The following ADGRA3 variants were observed in gnomAD, a reference collection of about 807,000 sequenced individuals.
ADGRA3 encodes the protein G-protein coupled receptor 125.
ADGRA3 carries 56 observed loss-of-function variants against 119.8 expected under a neutral mutation model. The ratio of observed to expected loss-of-function variants is 0.47; its 90% CI spans 0.38 to 0.58. The LOEUF is 0.58. ADGRA3 is among the 20% of genes least tolerant of loss of function. The pLI, the probability that ADGRA3 is intolerant of heterozygous loss-of-function variation, is 0.00. For missense variants in ADGRA3, 1,516 were observed against 1,649.0 expected (o/e 0.92, Z 1.40); for synonymous variants, 607 against 623.8 (o/e 0.97, Z 0.40).
intron 1 of ADGRA3, among the ~76,000 whole-genome samples, chr4:22,500,326 T>C (rs755789094): frequency 6.6e-6 from 1 of 152,190 alleles, no homozygotes; most frequent in Non-Finnish European, 1.5e-5. Flanking sequence ...AATTTACTTG[T>C]CCAGGCTTCA....
intron 10 of ADGRA3, among the ~76,000 whole-genome samples, chr4:22,426,278 T>G (rs1715929419): frequency 6.6e-6 from 1 of 152,190 alleles, no homozygotes; most frequent in African/African-American, 2.4e-5. Context: ...AAATAAGTTT[T>G]CTGACTTTTT....
intron 12 of ADGRA3, among the ~76,000 whole-genome samples, chr4:22,417,578 T>C (rs968848401): frequency 8.5e-5 from 13 of 152,130 alleles, no homozygotes; most frequent in Non-Finnish European, 1.9e-4. Context: ...GCACAGCTGT[T>C]AAGTTGGGGA....
intron 1 of ADGRA3, among the ~76,000 whole-genome samples, chr4:22,514,933 G>A (rs915738446): frequency 6.6e-6 from 1 of 152,132 alleles, no homozygotes; most frequent in Non-Finnish European, 1.5e-5. Flanking sequence ...ACACGAAAAC[G>A]GGACTGCAAG....
chr4:22,503,357 G>T (rs1159717465), intron 1 of ADGRA3, among the ~76,000 whole-genome samples: 1 of 152,160 alleles, frequency 6.6e-6, no homozygotes, highest in Non-Finnish European at 1.5e-5. Context: ...CATAAGAAAA[G>T]AATCAGGAAG....
chr4:22,444,635 CA>C (rs1006004535), intron 6 of ADGRA3, among the ~76,000 whole-genome samples: 52 of 152,106 alleles, frequency 3.4e-4, no homozygotes, highest in African/African-American at 1.0e-3. Context: ...CCCACCCACA[CA>C]CAGGATGTGG....
At chr4:22,455,217 G>C (rs1328542058) in intron 3 of ADGRA3, among the ~76,000 whole-genome samples, 2 of 152,110 alleles carry the variant, frequency 1.3e-5, no homozygotes, top group African/African-American at 4.8e-5. Flanking sequence ...GATAAAACTG[G>C]AGTAGTAAAA....
intron 16 of ADGRA3, among the ~76,000 whole-genome samples, chr4:22,398,714 T>C (rs1194074754): frequency 6.6e-6 from 1 of 152,228 alleles, no homozygotes; most frequent in Non-Finnish European, 1.5e-5. Flanking sequence ...AATTTGTGCT[T>C]TTCTGCATTG....
intron 6 of ADGRA3, among the ~76,000 whole-genome samples, chr4:22,443,324 T>G (rs1047821227): frequency 1.1e-4 from 16 of 152,180 alleles, no homozygotes; most frequent in Non-Finnish European, 1.8e-4. Context: ...AAAAACAGTA[T>G]GTTAAGATCC....
chr4:22,464,480 A>G (rs1396909688), intron 2 of ADGRA3, among the ~76,000 whole-genome samples: 2 of 152,322 alleles, frequency 1.3e-5, no homozygotes, highest in African/African-American at 4.8e-5. Flanking sequence ...GAGTAAAAAG[A>G]CGGTCCCTGG....
chr4:22,422,167 T>C (rs909700935), intron 11 of ADGRA3, among the ~76,000 whole-genome samples: 5 of 152,112 alleles, frequency 3.3e-5, no homozygotes, highest in Non-Finnish European at 7.3e-5. Context: ...AGGGACAACA[T>C]GGCATCTCCC....
At chr4:22,448,960 A>G (rs2109083004) in intron 4 of ADGRA3, among the ~76,000 whole-genome samples, 1 of 152,318 alleles carries the variant, frequency 6.6e-6, no homozygotes. Context: ...TAACATTTTA[A>G]GAAAATAAAA....
intron 2 of ADGRA3, among the ~76,000 whole-genome samples, chr4:22,462,807 G>A (rs77470319): frequency 0.02 from 3,116 of 152,306 alleles, 43 homozygotes; most frequent in Middle Eastern, 0.051. Flanking sequence ...AGGCAGCAGT[G>A]AATGTCTCAG....
Position 22,454,912 on chromosome 4 carries a change from A to C in ADGRA3, c.427T>G (p.Cys143Gly), listed in dbSNP as rs1193139320. ...RLDLTNNRIG[C>G]LNADIFRGLT... ...CCTCGAAATATGTCTGCATTCAGAC[A>C]TCCTATTCGATTGTTTGTCAGATCC... The change falls in exon 4 of 19, where the codon TGT (cysteine) becomes GGT (glycine). Residue 143 changes from cysteine to glycine, a missense_variant. Transcript: ENST00000334304. 7.4e-6 allele frequency: 12 copies of C among 1,613,732 alleles called. No homozygotes were observed. Among genetic ancestry groups the C allele is most frequent in the Non-Finnish European group, 1.0e-5 (12 of 1,179,618 alleles).
At chr4:22,397,693 A>G (rs1714423105) in intron 16 of ADGRA3, among the ~76,000 whole-genome samples, 1 of 152,100 alleles carries the variant, frequency 6.6e-6, no homozygotes, top group South Asian at 2.1e-4. Flanking sequence ...TGTTCTTGCG[A>G]AAGTGAATAA....
At chr4:22,391,485 C>T (rs1451446689) in intron 17 of ADGRA3, among the ~76,000 whole-genome samples, 1 of 152,170 alleles carries the variant, frequency 6.6e-6, no homozygotes, top group Non-Finnish European at 1.5e-5. Flanking sequence ...GAGAAACTGC[C>T]TCAAGCCTCT....
intron 14 of ADGRA3, 79 bp downstream of exon 14, chr4:22,413,103 A>AAAAAAAC: frequency 9.1e-7 from 1 of 1,093,980 alleles, no homozygotes; most frequent in Non-Finnish European, 1.3e-6. Context: ...AAAAAACAAA[A>AAAAAAAC]AAACACTTCA....
chr4:22,454,251 TAAAC>T (rs1283429057), intron 4 of ADGRA3, among the ~76,000 whole-genome samples: 2 of 152,122 alleles, frequency 1.3e-5, no homozygotes, highest in African/African-American at 4.8e-5. Context: ...TAAATTATAA[TAAAC>T]AAATATAGAT....
intron 10 of ADGRA3, among the ~76,000 whole-genome samples, chr4:22,430,801 A>G (rs980427662): frequency 1.9e-5 from 1 of 51,652 alleles, no homozygotes. Context: ...AGCCCCTCCC[A>G]TCACAGGCCT....
intron 14 of ADGRA3, among the ~76,000 whole-genome samples, chr4:22,403,814 T>C (rs1714775347): frequency 6.6e-6 from 1 of 152,160 alleles, no homozygotes. Flanking sequence ...ACATTGACTG[T>C]GAACAATCTA....
Sources: allele counts gnomAD v4.1 joint callset (sites outside exome capture counted in the v4.1 genomes callset), GRCh38; gene constraint gnomAD v4.1.1; transcripts MANE v1.5; gene names NCBI Gene and HGNC (gene_info 2026-07-23, HGNC 2026-07-21).